HEMK2: variants seen among roughly 807,000 people sequenced by gnomAD.
HEMK2 encodes HemK methyltransferase 2, ETF1 glutamine and histone H4 lysine.
chr21:28,758,784 G>A, the HEMK2 span, among the ~76,000 whole-genome samples: 7 of 152,104 alleles, frequency 4.6e-5, no homozygotes, highest in Non-Finnish European at 8.8e-5. Flanking sequence ...TAACTTCCAG[G>A]TACCAGGGGA....
At chr21:28,841,060 A>AT in the HEMK2 span, among the ~76,000 whole-genome samples, 24 of 53,712 alleles carry the variant, frequency 4.5e-4, 1 homozygote, top group Non-Finnish European at 5.3e-4. Context: ...AATATTATAT[A>AT]TAAATAAATA....
chr21:28,797,331 C>T, the HEMK2 span, among the ~76,000 whole-genome samples: 19,129 of 151,884 alleles, frequency 0.13, 1,655 homozygotes, highest in African/African-American at 0.24. Context: ...ACCAGTGGCC[C>T]ATGCCTGTAA....
chr21:28,864,590 C>T, the HEMK2 span, among the ~76,000 whole-genome samples: 454 of 152,248 alleles, frequency 3.0e-3, 4 homozygotes, highest in African/African-American at 0.01. Flanking sequence ...TCAACCCGGA[C>T]CCATATGCAT....
At chr21:28,737,359 A>G in the HEMK2 span, among the ~76,000 whole-genome samples, 1 of 152,154 alleles carries the variant, frequency 6.6e-6, no homozygotes, top group East Asian at 1.9e-4. Context: ...TCCTGGCCTC[A>G]AGTGATCTGC....
the HEMK2 span, among the ~76,000 whole-genome samples, chr21:28,681,270 G>C: frequency 6.6e-6 from 1 of 152,100 alleles, no homozygotes; most frequent in Non-Finnish European, 1.5e-5. Context: ...GACAAACAGA[G>C]AACCAAATCA....
the HEMK2 span, among the ~76,000 whole-genome samples, chr21:28,877,041 AGGGAGGGAGGGAGGGAG>A: frequency 8.8e-5 from 1 of 11,404 alleles, no homozygotes; most frequent in Non-Finnish European, 1.6e-4. Context: ...GGAAGGAGGG[AGGGAGGGAGGGAGGGAG>A]GGAAGGAGGG....
the HEMK2 span, among the ~76,000 whole-genome samples, chr21:28,728,425 G>T: frequency 6.6e-6 from 1 of 152,132 alleles, no homozygotes. Context: ...TAAAGGGTGG[G>T]AAATTTATCA....
At chr21:28,793,822 A>C in the HEMK2 span, among the ~76,000 whole-genome samples, 1 of 152,182 alleles carries the variant, frequency 6.6e-6, no homozygotes, top group Non-Finnish European at 1.5e-5. Flanking sequence ...AAGGAGTCAA[A>C]GGCCATATGA....
chr21:28,641,386 GC>G, the HEMK2 span, among the ~76,000 whole-genome samples: 1 of 152,098 alleles, frequency 6.6e-6, no homozygotes, highest in Non-Finnish European at 1.5e-5. Flanking sequence ...CTTGCAGTGT[GC>G]CCCCCTCCTA....
chr21:28,758,635 G>A, the HEMK2 span, among the ~76,000 whole-genome samples: 2 of 152,128 alleles, frequency 1.3e-5, no homozygotes, highest in African/African-American at 4.8e-5. Flanking sequence ...TAATAGTAAG[G>A]CAACAAGAAT....
chr21:28,642,987 G>T, the HEMK2 span, among the ~76,000 whole-genome samples: 1 of 152,150 alleles, frequency 6.6e-6, no homozygotes, highest in Non-Finnish European at 1.5e-5. Context: ...CAGGGTAAGG[G>T]TGGGGTTTAG....
the HEMK2 span, among the ~76,000 whole-genome samples, chr21:28,653,157 A>T: frequency 6.6e-6 from 1 of 152,156 alleles, no homozygotes; most frequent in Non-Finnish European, 1.5e-5. Flanking sequence ...TCACTAAAGG[A>T]TGTCTAACAC....
At chr21:28,834,119 C>A in the HEMK2 span, among the ~76,000 whole-genome samples, 3 of 152,064 alleles carry the variant, frequency 2.0e-5, no homozygotes, top group African/African-American at 7.2e-5. Context: ...GTGAATGATC[C>A]CCAACAAAAA....
chr21:28,647,925 T>G, the HEMK2 span, among the ~76,000 whole-genome samples: 1 of 152,228 alleles, frequency 6.6e-6, no homozygotes, highest in Non-Finnish European at 1.5e-5. Flanking sequence ...CCATGTTCCT[T>G]GAAGCTGAGC....
the HEMK2 span, among the ~76,000 whole-genome samples, chr21:28,774,115 C>T: frequency 6.6e-6 from 1 of 152,084 alleles, no homozygotes; most frequent in African/African-American, 2.4e-5. Context: ...TTCTCAAACC[C>T]AGTTATCTTA....
chr21:28,787,720 A>G, the HEMK2 span, among the ~76,000 whole-genome samples: 1 of 152,200 alleles, frequency 6.6e-6, no homozygotes, highest in East Asian at 1.9e-4. Context: ...AGATGTTGGC[A>G]TGGATGCGGT....
At chr21:28,749,964 T>C in the HEMK2 span, among the ~76,000 whole-genome samples, 2 of 152,240 alleles carry the variant, frequency 1.3e-5, no homozygotes, top group African/African-American at 4.8e-5. Flanking sequence ...TAATCCGTTA[T>C]TAAGTCAGTT....
At chr21:28,618,192 T>C in the HEMK2 span, among the ~76,000 whole-genome samples, 1 of 152,230 alleles carries the variant, frequency 6.6e-6, no homozygotes, top group Non-Finnish European at 1.5e-5. Flanking sequence ...ACAATAAGCA[T>C]ATTTAAATTA....
chr21:28,728,908 A>G, the HEMK2 span, among the ~76,000 whole-genome samples: 1 of 152,136 alleles, frequency 6.6e-6, no homozygotes, highest in South Asian at 2.1e-4. Flanking sequence ...AGCAGTGCCC[A>G]CTCTCCACCC....
Sources: allele counts gnomAD v4.1 joint callset (sites outside exome capture counted in the v4.1 genomes callset), GRCh38; gene constraint gnomAD v4.1.1; transcripts MANE v1.5; gene names NCBI Gene and HGNC (gene_info 2026-07-23, HGNC 2026-07-21).